Variants in FSD1L observed in about 807,000 individuals in gnomAD.
FSD1L encodes fibronectin type III and SPRY domain containing 1 like, also known as FSD1-like protein.
Under a neutral mutation model 71.6 loss-of-function variants are expected in FSD1L, and 45 were observed. The ratio of observed to expected loss-of-function variants is 0.63; its 90% confidence interval spans 0.49 to 0.81. The LOEUF is 0.81. Ranked by LOEUF, FSD1L falls within the 30% of genes least tolerant of loss-of-function variation. The pLI, the probability that FSD1L is intolerant of heterozygous loss-of-function variation, is 0.00. For missense variants in FSD1L, 561 were observed against 618.1 expected, an observed-to-expected ratio of 0.91 and a Z score of 0.98; for synonymous variants, 197 against 207.2, an observed-to-expected ratio of 0.95 and a Z score of 0.42.
intron 7 of FSD1L, among the ~76,000 whole-genome samples, chr9:105,497,561 A>G (rs1241948767): frequency 6.6e-6 from 1 of 152,100 alleles, no homozygotes; most frequent in African/African-American, 2.4e-5. Context: ...GCCTATTCAG[A>G]TTGTCTGTTT....
At chr9:105,520,742 T>A in intron 10 of FSD1L, 3 of 1,613,344 alleles carry the variant, frequency 1.9e-6, no homozygotes, top group East Asian at 4.5e-5. Flanking sequence ...CACCACAGTC[T>A]GAACATGGAC....
chr9:105,479,259 T>G, intron 5 of FSD1L, 95 bp from the exon 6 acceptor site: 1 of 1,089,494 alleles, frequency 9.2e-7, no homozygotes, highest in Non-Finnish European at 1.4e-6. Flanking sequence ...TGTTGCAGGG[T>G]TTATATCCTA....
At chr9:105,526,068 G>A (rs1240847050) in intron 10 of FSD1L, 3 of 1,510,108 alleles carry the variant, frequency 2.0e-6, no homozygotes, top group East Asian at 2.3e-5. Context: ...AAAATCACAT[G>A]TTCAGTATTC....
chr9:105,450,594 T>A (rs1230005695), intron 1 of FSD1L, among the ~76,000 whole-genome samples: 1 of 149,936 alleles, frequency 6.7e-6, no homozygotes, highest in Non-Finnish European at 1.5e-5. Flanking sequence ...AGTGCAACGG[T>A]GCAATCTTGG....
intron 10 of FSD1L, chr9:105,523,793 A>C: frequency 6.3e-7 from 1 of 1,598,884 alleles, no homozygotes; most frequent in Non-Finnish European, 8.6e-7. Context: ...ATTGTGGATT[A>C]CTTCATATTG....
At chr9:105,495,112 A>T (rs1228920775) in intron 7 of FSD1L, among the ~76,000 whole-genome samples, 2 of 152,192 alleles carry the variant, frequency 1.3e-5, no homozygotes, top group African/African-American at 4.8e-5. Flanking sequence ...GGTGGAGCCT[A>T]CAGAGGCAGG....
At chr9:105,535,474 TGACTG>T (rs1237394019) in intron 12 of FSD1L, among the ~76,000 whole-genome samples, 156 bp downstream of exon 12, 1 of 152,138 alleles carries the variant, frequency 6.6e-6, no homozygotes, top group Non-Finnish European at 1.5e-5. Flanking sequence ...ATTCTAGAAT[TGACTG>T]GAATGGTATA....
At chr9:105,445,822 A>C (rs1386717122), upstream of FSD1L, among the ~76,000 whole-genome samples, 1 of 152,144 alleles carries the variant, frequency 6.6e-6, no homozygotes, top group African/African-American at 2.4e-5. Flanking sequence ...GAGTTGGGAA[A>C]GGTTGAATAA....
chr9:105,540,145 A>T (rs1284270979), intron 13 of FSD1L, among the ~76,000 whole-genome samples: 1 of 152,144 alleles, frequency 6.6e-6, no homozygotes, highest in Non-Finnish European at 1.5e-5. Flanking sequence ...GTCAACACTT[A>T]GTATTATCTT....
chr9:105,467,073 C>T (rs1198163650), intron 3 of FSD1L, among the ~76,000 whole-genome samples: 1 of 152,080 alleles, frequency 6.6e-6, no homozygotes, highest in Non-Finnish European at 1.5e-5. Context: ...ATTTAAGTGC[C>T]TTGTATAAGG....
chr9:105,512,773 T>A, intron 9 of FSD1L, 34 bp from the exon 10 acceptor site: 7 of 1,247,288 alleles, frequency 5.6e-6, no homozygotes, highest in Non-Finnish European at 7.6e-6. Flanking sequence ...ATATGCTATA[T>A]TTTAAAAATA....
chr9:105,515,557 G>A (rs759694425), intron 10 of FSD1L, among the ~76,000 whole-genome samples: 7 of 152,104 alleles, frequency 4.6e-5, no homozygotes, highest in African/African-American at 7.2e-5. Flanking sequence ...GTAGAGTGTT[G>A]TCTCACCCAG....
chr9:105,446,550 C>G (rs1199183246), upstream of FSD1L, among the ~76,000 whole-genome samples: 8 of 150,406 alleles, frequency 5.3e-5, no homozygotes, highest in Admixed American at 5.3e-4. Context: ...TTTTTAATTT[C>G]TGTAGAGATG....
intron 6 of FSD1L, 39 bp from the exon 7 acceptor site, chr9:105,484,342 A>G (rs1021274532): frequency 1.8e-5 from 25 of 1,399,624 alleles, no homozygotes; most frequent in South Asian, 1.3e-4. Context: ...GATACTTCCT[A>G]TTTCTTTATT....
intron 3 of FSD1L, among the ~76,000 whole-genome samples, chr9:105,465,060 C>T (rs1446753747): frequency 6.6e-6 from 1 of 152,020 alleles, no homozygotes; most frequent in African/African-American, 2.4e-5. Context: ...AGGTAAAGTG[C>T]CCATTGAGAA....
At chr9:105,533,358 A>G (rs756260347) in intron 10 of FSD1L, among the ~76,000 whole-genome samples, 3 of 146,592 alleles carry the variant, frequency 2.0e-5, no homozygotes, top group East Asian at 2.0e-4. Context: ...AGTAGGAGAA[A>G]TGCTTGATAA....
intron 10 of FSD1L, chr9:105,526,224 C>G (rs1312926313): frequency 1.3e-6 from 2 of 1,599,112 alleles, no homozygotes; most frequent in African/African-American, 2.7e-5. Context: ...TGTATCAAAA[C>G]TTCTATGAGG....
At chr9:105,524,124 T>A (rs777194143) in intron 10 of FSD1L, 322 of 1,612,154 alleles carry the variant, frequency 2.0e-4, no homozygotes, top group Non-Finnish European at 2.6e-4. Flanking sequence ...TCCTGCACGA[T>A]GTGTAGCACT....
At chr9:105,475,888 T>A (rs1376767585) in intron 5 of FSD1L, among the ~76,000 whole-genome samples, 6 of 152,184 alleles carry the variant, frequency 3.9e-5, no homozygotes, top group African/African-American at 1.4e-4. Context: ...AAACTTCTAA[T>A]GTATGGAATC....
Sources: allele counts gnomAD v4.1 joint callset (sites outside exome capture counted in the v4.1 genomes callset), GRCh38; gene constraint gnomAD v4.1.1; transcripts MANE v1.5; gene names NCBI Gene and HGNC (gene_info 2026-07-23, HGNC 2026-07-21).